Variants in TNXB observed in about 807,000 individuals in gnomAD.
TNXB encodes tenascin XB.
In TNXB, 183 loss-of-function variants were observed where a neutral mutation model predicts 340.5. That is an observed-to-expected ratio of 0.54 (90% CI 0.48 to 0.61). TNXB has a LOEUF of 0.61. Among genes scored for constraint, TNXB ranks in the 20% least tolerant of loss-of-function variants. TNXB has a pLI of 0.00. For missense variants in TNXB, 4,613 were observed against 5,446.4 expected, an observed-to-expected ratio of 0.85 and a Z score of 4.82; for synonymous variants, 2,121 against 2,314.5, an observed-to-expected ratio of 0.92 and a Z score of 2.40.
intron 1 of TNXB, among the ~76,000 whole-genome samples, chr6:32,100,606 A>C (rs1056300643): frequency 6.6e-6 from 1 of 152,122 alleles, no homozygotes; most frequent in African/African-American, 2.4e-5. Flanking sequence ...GTACACCTGT[A>C]GTCCCAGCTA....
chr6:32,074,507 G>A lies in TNXB; in HGVS notation c.4376-555C>T, dbSNP rs908213679. Among the ~76,000 whole-genome samples, 7 of 152,080 alleles carry A rather than the reference G, an allele frequency of 4.6e-5. No individual in the cohort carries two copies. Among genetic ancestry groups the A allele is most frequent in the African/African-American group, 1.2e-4 (5 of 41,418 alleles). ...GAGAGCGCTGAAATTCCATCTATAT[G>A]CCAATGACTCCAGATTTACACCCTC... On this transcript the variant is annotated intron_variant, in intron 11 of 43. Coordinates refer to ENST00000644971, the MANE Select transcript of TNXB (RefSeq NM_001365276.2). The surrounding 1 kb of genome is among the most constrained non-coding windows in gnomAD (Gnocchi z 5.5).
At chr6:32,086,883 G>A (rs767758181) in intron 6 of TNXB, among the ~76,000 whole-genome samples, 1 of 152,232 alleles carries the variant, frequency 6.6e-6, no homozygotes, top group Non-Finnish European at 1.5e-5. Context: ...GAGTCAGAAC[G>A]GGAATCACTG....
In TNXB at chr6:32,056,049, T is replaced by C. The variant is rs769563109; in HGVS notation, c.8269A>G (p.Thr2757Ala). 5 of 1,612,856 alleles carry C rather than the reference T, an allele frequency of 3.1e-6. No homozygotes were observed. In the South Asian group the frequency reaches 5.5e-5, roughly 18 times the overall value. Residue 2757 changes from threonine to alanine, a missense_variant, in exon 24 of 44, where the codon ACC (threonine) becomes GCC (alanine). By Grantham distance (58) the Thr-to-Ala change is moderately conservative (BLOSUM62 0). Around this residue, in one of 7 missense-constraint regions of TNXB, gnomAD observed 4,327 missense variants for 4,859.4 expected, o/e 0.89. Transcript: ENST00000644971. ...GAGTCGAAGTGGCCCTGGGGGATGG[T>C]CCAGGAGAGGCTCAGCGAGTCAGGG... ...SSPDSLSLSW[T>A]IPQGHFDSFT...
rs1278353127 is a variant in TNXB at position 32,085,181 on chromosome 6, C to A, written c.3149-472G>T. Among the ~76,000 whole-genome samples the A allele has an allele frequency of 6.6e-6, 1 of 152,108 alleles. No individual in the cohort carries two copies. The highest frequency in any genetic ancestry group is 2.4e-5 in the African/African-American group (1 of 41,396). On this transcript the variant is annotated intron_variant, in intron 7 of 43. Transcript: ENST00000644971. The surrounding 1 kb of genome is among the most constrained non-coding windows in gnomAD (Gnocchi z 6.4). ...GAAAGCCAGGTACCCCAGGACCTGTCTTTCACTGGTCCTGCAAACCTCATC... is the reference window on the plus strand; with the variant it reads ...GAAAGCCAGGTACCCCAGGACCTGTATTTCACTGGTCCTGCAAACCTCATC...
chr6:32,052,153 G>T lies in TNXB; in HGVS notation c.9115+517C>A, dbSNP rs532471797. Among the ~76,000 whole-genome samples the T allele has an allele frequency of 5.9e-5, 9 of 152,300 alleles. No homozygotes were observed. Among genetic ancestry groups the T allele is most frequent in the Admixed American group, 1.3e-4 (2 of 15,300 alleles). The stretch of plus-strand genomic sequence containing the variant: ...TGGCATCAAGATAGATGAGAATCTT[G>T]TTAGAAATGGATGGTCGGCTGGGCG... On this transcript the variant is annotated intron_variant, in intron 26 of 43. Coordinates refer to ENST00000644971, the MANE Select transcript of TNXB (RefSeq NM_001365276.2). This position sits in a 1 kb window ranked among gnomAD's most constrained non-coding sequence, Gnocchi z 4.7.
rs905050247 is a variant in TNXB at position 32,108,432 on chromosome 6, A to G, written c.-9+749T>C. On this transcript the variant is annotated intron_variant, in intron 1 of 43. Coordinates refer to ENST00000644971, the MANE Select transcript of TNXB (RefSeq NM_001365276.2). This position sits in a 1 kb window ranked among gnomAD's most constrained non-coding sequence, Gnocchi z 4.8. ...CAAGGGGAGCCTGGAAGGGGCACAG[A>G]GTGAAGACGGAGCCCCTGTGCCCCC... Among the ~76,000 whole-genome samples, 2 of 152,070 alleles carry G rather than the reference A, an allele frequency of 1.3e-5. No homozygotes were observed. Among genetic ancestry groups the G allele is most frequent in the Admixed American group, 1.3e-4 (2 of 15,272 alleles).
At position 32,052,756 on chromosome 6, in the gene TNXB, A is replaced by T. The variant is rs760215956; in HGVS notation, c.9029T>A (p.Leu3010Gln). 16 of 1,613,716 alleles carry T rather than the reference A, an allele frequency of 9.9e-6. No individual in the cohort carries two copies. Among genetic ancestry groups the T allele is most frequent in the Non-Finnish European group, 1.3e-5 (15 of 1,179,888 alleles). ...CATCTTGTATTTGCACCCGGGCTCC[A>T]GGCCCCCCACGGTGACCTCGCTCTC... ...GEESEVTVGG[L>Q]EPGCKYKMHL... Residue 3010 changes from leucine to glutamine, a missense_variant, in exon 26 of 44, where the codon CTG becomes CAG. Leu to Gln is a moderately radical substitution (Grantham distance 113). This residue lies in a region of TNXB where 4,327 missense variants were observed against 4,859.4 expected (regional missense o/e 0.89). Coordinates refer to ENST00000644971, the MANE Select transcript of TNXB (RefSeq NM_001365276.2). The surrounding 1 kb of genome is among the most constrained non-coding windows in gnomAD (Gnocchi z 4.7).
rs752531006 is a variant in TNXB, at chr6:32,069,104, C to T, written c.5620G>A (p.Ala1874Thr). 10 of 1,610,964 alleles carry T rather than the reference C, an allele frequency of 6.2e-6. No homozygotes were observed. The highest frequency in any genetic ancestry group is 8.5e-6 in the Non-Finnish European group (10 of 1,179,308). ...GREETETETT[A>T]PTPPAPEPHL... ...GGCTCAGGCGCTGGAGGGGTCGGGG[C>T]CGTGGTCTCAGTTTCCGTTTCTTCC... The change falls in exon 16 of 44, where the codon GCC becomes ACC. Residue 1874 changes from alanine (A) to threonine (T), a missense_variant. Physicochemically the swap from Ala to Thr is moderately conservative, Grantham distance 58. This residue lies in a region of TNXB where 4,327 missense variants were observed against 4,859.4 expected (regional missense o/e 0.89). Transcript: ENST00000644971. This position sits in a 1 kb window ranked among gnomAD's most constrained non-coding sequence, Gnocchi z 6.2.
At chr6:32,045,825 C>T in intron 31 of TNXB, 2 of 1,104,478 alleles carry the variant, frequency 1.8e-6, no homozygotes, top group South Asian at 8.1e-5. Context: ...ATGCTCCTGA[C>T]TCATCCACGG....
chr6:32,086,211 G>C, intron 6 of TNXB, 93 bp from the exon 7 acceptor site: 1 of 1,384,432 alleles, frequency 7.2e-7, no homozygotes, highest in Non-Finnish European at 9.5e-7. Context: ...CAGCCTCTAA[G>C]AGCCTTGTTC....
rs1779597995 is a variant in TNXB at position 32,083,581 on chromosome 6, G to A, written c.3445+832C>T. Among the ~76,000 whole-genome samples, 1 of 152,102 alleles carries A rather than the reference G, an allele frequency of 6.6e-6. No individual in the cohort carries two copies. Among genetic ancestry groups the A allele is most frequent in the Non-Finnish European group, 1.5e-5 (1 of 68,026 alleles). On this transcript the variant is annotated intron_variant, in intron 8 of 43. Transcript: ENST00000644971. The surrounding 1 kb of genome is among the most constrained non-coding windows in gnomAD (Gnocchi z 4.6). ...CATCCAGAACCCTGGGGGCTGCCTG[G>A]TACACCTTGCTTTCCTTCGCCTCCC...
In TNXB at chr6:32,097,112, G is replaced by T; in HGVS notation, c.741C>A (p.Arg247=). 1.9e-6 allele frequency: 3 copies of T among 1,612,046 alleles called. No individual in the cohort carries two copies. Among genetic ancestry groups the T allele is most frequent in the Non-Finnish European group, 1.7e-6 (2 of 1,179,216 alleles). ...TCTGGCTGCAACCTCGAGGGCAGGAGCGCTGGCTGCAGTCGGGGCCTGAGA... is the reference window on the plus strand; with the variant it reads ...TCTGGCTGCAACCTCGAGGGCAGGATCGCTGGCTGCAGTCGGGGCCTGAGA... ...AGFSGPDCSQ[R]SCPRGCSQRG... Residue 247 remains arginine, a synonymous_variant, in exon 3 of 44, where the codon CGC becomes CGA. Transcript: ENST00000644971. This position sits in a 1 kb window ranked among gnomAD's most constrained non-coding sequence, Gnocchi z 5.9.
chr6:32,103,008 C>T (rs756796591), intron 1 of TNXB, among the ~76,000 whole-genome samples: 47 of 152,082 alleles, frequency 3.1e-4, no homozygotes, highest in Non-Finnish European at 1.2e-4. Flanking sequence ...GATTATTGAC[C>T]GGAAGGAGTC....
rs1427032028 is a variant in TNXB at position 32,090,385 on chromosome 6, G to A, written c.2359-1006C>T. Among the ~76,000 whole-genome samples, 1 of 152,212 alleles carries A rather than the reference G, an allele frequency of 6.6e-6. No homozygotes were observed. Among genetic ancestry groups the A allele is most frequent in the Non-Finnish European group, 1.5e-5 (1 of 68,036 alleles). ...TCTACTGGACCCTGCTCCAGGCAGG[G>A]TCTCCTGGAATGCCCACCACTGGGG... On this transcript the variant is annotated intron_variant, in intron 4 of 43. Transcript: ENST00000644971. The surrounding 1 kb of genome is among the most constrained non-coding windows in gnomAD (Gnocchi z 4.3).
Position 32,052,671 on chromosome 6 carries a change from T to C in TNXB, c.9114A>G (p.Thr3038=). ...CTCGCCTCACTCACACTTACTCACC[T>C]GTCACACCCACAGCGGACACTGGGC... is the stretch of plus-strand genomic sequence containing the variant. ...RVGPVSAVGV[T]APKDEAETTQ... Residue 3038 remains threonine, a splice_region_variant and synonymous_variant, in exon 26 of 44, where the codon ACA becomes ACG. Coordinates refer to ENST00000644971, the MANE Select transcript of TNXB (RefSeq NM_001365276.2). The surrounding 1 kb of genome is among the most constrained non-coding windows in gnomAD (Gnocchi z 4.7). 6.2e-7 allele frequency: 1 copy of C among 1,612,210 alleles called. No individual in the cohort carries two copies. Among genetic ancestry groups the C allele is most frequent in the Non-Finnish European group, 8.5e-7 (1 of 1,178,726 alleles).
rs1554321140 is a variant in TNXB at position 32,067,093 on chromosome 6, G to GA, written c.6544+567dup. Among the ~76,000 whole-genome samples, 49 of 135,730 alleles carry GA rather than the reference G, an allele frequency of 3.6e-4. No individual in the cohort carries two copies. The highest frequency in any genetic ancestry group is 9.6e-4 in the African/African-American group (35 of 36,526). The allele number at this position is 135,730 out of a possible 152,430, so 89.0% of individuals were successfully genotyped here. A position where few individuals can be genotyped will look rare whatever the true frequency, so the allele number is the denominator to read the frequency against. ...CTTGTCTAAAAAGAAAGAAAGAAAAGAATGAAAGAAAGAAAGAAAGAGAAA... is the reference window on the plus strand; with the variant it reads ...CTTGTCTAAAAAGAAAGAAAGAAAAGAAATGAAAGAAAGAAAGAAAGAGAAA... On this transcript the variant is annotated intron_variant, in intron 18 of 43. Coordinates refer to ENST00000644971, the MANE Select transcript of TNXB (RefSeq NM_001365276.2). The surrounding 1 kb of genome is among the most constrained non-coding windows in gnomAD (Gnocchi z 4.2).
At position 32,050,058 on chromosome 6, in the gene TNXB, T is replaced by C. The variant is rs763951482; in HGVS notation, c.9379A>G (p.Asn3127Asp). 5 of 1,613,624 alleles carry C rather than the reference T, an allele frequency of 3.1e-6. No individual in the cohort carries two copies. The African/African-American group carries it at 5.3e-5, about 17-fold the overall frequency. The change falls in exon 27 of 44, where the codon AAC becomes GAC. Residue 3127 changes from asparagine to aspartate, a missense_variant. Asn to Asp is a conservative substitution (Grantham distance 23). Around this residue, in one of 7 missense-constraint regions of TNXB, gnomAD observed 4,327 missense variants for 4,859.4 expected, o/e 0.89. Transcript: ENST00000644971. Reference protein sequence around the residue: ...GLEPDHKYKMNLYGFHGGQRV... With the variant: ...GLEPDHKYKMDLYGFHGGQRV... The stretch of plus-strand genomic sequence containing the variant: ...TGGCCACCGTGGAAGCCGTACAGGT[T>C]CATCTTGTATTTATGGTCTGGCTCC...
chr6:32,083,045 G>C lies in TNXB; in HGVS notation c.3446-719C>G, dbSNP rs1419166214. 6.6e-6 allele frequency among the ~76,000 whole-genome samples: 1 copy of C among 151,996 alleles called. No homozygotes were observed. Among genetic ancestry groups the C allele is most frequent in the Non-Finnish European group, 1.5e-5 (1 of 67,996 alleles). ...ATGTCCTCACCTCCACCACCCTCCCGATCCAGCTCCACCCCTCCACCAGGC... is the reference window on the plus strand; with the variant it reads ...ATGTCCTCACCTCCACCACCCTCCCCATCCAGCTCCACCCCTCCACCAGGC... On this transcript the variant is annotated intron_variant, in intron 8 of 43. Coordinates refer to ENST00000644971, the MANE Select transcript of TNXB (RefSeq NM_001365276.2). This position sits in a 1 kb window ranked among gnomAD's most constrained non-coding sequence, Gnocchi z 4.6.
intron 1 of TNXB, among the ~76,000 whole-genome samples, chr6:32,098,451 TG>T (rs1780539845): frequency 6.6e-6 from 1 of 150,430 alleles, no homozygotes; most frequent in Non-Finnish European, 1.5e-5. Context: ...TCCCCTACAC[TG>T]GTTTTTTTGT....
Sources: allele counts gnomAD v4.1 joint callset (sites outside exome capture counted in the v4.1 genomes callset), GRCh38; gene constraint gnomAD v4.1.1; regional missense constraint gnomAD v4.1.1; non-coding constraint Gnocchi (gnomAD v3.1); transcripts MANE v1.5; gene names NCBI Gene and HGNC (gene_info 2026-07-23, HGNC 2026-07-21).